GALNT13: variants seen among roughly 807,000 people sequenced by gnomAD.
GALNT13 encodes the protein polypeptide N-acetylgalactosaminyltransferase 13, also known as UDP-GalNAc:polypeptide N-acetylgalactosaminyltransferase 13.
In GALNT13, 28 loss-of-function variants were observed where a neutral mutation model predicts 64.2. The ratio of observed to expected loss-of-function variants is 0.44; its 90% CI spans 0.32 to 0.60. The LOEUF (loss-of-function observed/expected upper bound fraction) is 0.60, where lower values mean the gene tolerates loss of function less well. Ranked by LOEUF, GALNT13 falls within the 20% of genes least tolerant of loss-of-function variation. The pLI is 0.05. For synonymous variants in GALNT13, 214 were observed against 224.6 expected (o/e 0.95, Z 0.42); for missense variants, 577 against 669.8 (o/e 0.86, Z 1.53).
At chr2:153,436,406 C>A in the GALNT13 span, among the ~76,000 whole-genome samples, 1 of 152,150 alleles carries the variant, frequency 6.6e-6, no homozygotes, top group African/African-American at 2.4e-5. Context: ...AGGAATGGTA[C>A]CAGTTCCTCC....
the GALNT13 span, among the ~76,000 whole-genome samples, chr2:153,166,925 TC>T: frequency 6.6e-6 from 1 of 152,196 alleles, no homozygotes; most frequent in African/African-American, 2.4e-5. Flanking sequence ...GGAACTGAAT[TC>T]TACCAACAAC....
chr2:153,656,317 A>AGT, the GALNT13 span, among the ~76,000 whole-genome samples: 10,902 of 149,362 alleles, frequency 0.073, 453 homozygotes, highest in African/African-American at 0.13. Context: ...GACTTAAAGA[A>AGT]GTGTGTGTGT....
intron 12 of GALNT13, among the ~76,000 whole-genome samples, chr2:154,440,896 T>A (rs931020739): frequency 2.0e-5 from 3 of 152,156 alleles, no homozygotes; most frequent in African/African-American, 4.8e-5. Flanking sequence ...GGATTTTTTT[T>A]AAACAAAATT....
chr2:153,932,610 C>CT (rs1481004989), intron 2 of GALNT13, among the ~76,000 whole-genome samples: 4 of 141,584 alleles, frequency 2.8e-5, no homozygotes, highest in Non-Finnish European at 6.1e-5. Context: ...TCTTTTTTTT[C>CT]TTTTTTTCTG....
chr2:153,090,511 C>G, the GALNT13 span, among the ~76,000 whole-genome samples: 1 of 152,348 alleles, frequency 6.6e-6, no homozygotes, highest in Non-Finnish European at 1.5e-5. Context: ...TAGGTGTTGT[C>G]TTCTCCTTCC....
chr2:154,195,189 G>A (rs1222923899), intron 4 of GALNT13, among the ~76,000 whole-genome samples: 3 of 152,008 alleles, frequency 2.0e-5, no homozygotes, highest in Admixed American at 6.6e-5. Flanking sequence ...TCTTAAAGAT[G>A]ACTATTTTGG....
At chr2:153,180,546 T>G in the GALNT13 span, among the ~76,000 whole-genome samples, 1 of 152,184 alleles carries the variant, frequency 6.6e-6, no homozygotes, top group South Asian at 2.1e-4. Context: ...TTATAGAATG[T>G]TTTAGGAAGA....
At chr2:153,706,561 T>C in the GALNT13 span, among the ~76,000 whole-genome samples, 1 of 152,220 alleles carries the variant, frequency 6.6e-6, no homozygotes, top group Admixed American at 6.5e-5. Context: ...TCATTTCCAG[T>C]AAAGTATACG....
intron 4 of GALNT13, among the ~76,000 whole-genome samples, chr2:154,184,767 C>T (rs895443080): frequency 6.6e-6 from 1 of 152,074 alleles, no homozygotes; most frequent in African/African-American, 2.4e-5. Flanking sequence ...TCACTTATTA[C>T]TGCAAGGACA....
chr2:154,378,667 C>G (rs553144115), intron 9 of GALNT13, among the ~76,000 whole-genome samples: 1 of 152,032 alleles, frequency 6.6e-6, no homozygotes, highest in Non-Finnish European at 1.5e-5. Flanking sequence ...CCTCCCCTCC[C>G]GATTCTCTGG....
chr2:154,064,637 T>C (rs956577658), intron 3 of GALNT13, among the ~76,000 whole-genome samples: 1 of 152,000 alleles, frequency 6.6e-6, no homozygotes, highest in East Asian at 1.9e-4. Context: ...GGCCAGAAGA[T>C]TACCCACTGC....
At chr2:154,287,503 C>A in intron 8 of GALNT13, 1 of 290,690 alleles carries the variant, frequency 3.4e-6, no homozygotes, top group Non-Finnish European at 6.8e-6. Context: ...CTTTTGCCCC[C>A]ACCCCAGATT....
chr2:153,200,285 G>A, the GALNT13 span, among the ~76,000 whole-genome samples: 1 of 152,236 alleles, frequency 6.6e-6, no homozygotes, highest in Non-Finnish European at 1.5e-5. Flanking sequence ...TCTTAAACAG[G>A]AAAGTAGTAG....
intron 4 of GALNT13, chr2:154,236,116 A>G: frequency 8.8e-7 from 1 of 1,138,296 alleles, no homozygotes; most frequent in South Asian, 1.9e-5. Flanking sequence ...AGTGGAGAAG[A>G]CTTTCTGACT....
the GALNT13 span, among the ~76,000 whole-genome samples, chr2:153,568,084 C>A: frequency 6.6e-6 from 1 of 152,168 alleles, no homozygotes; most frequent in African/African-American, 2.4e-5. Context: ...GAAAGAAATT[C>A]TCGAATAATA....
the GALNT13 span, among the ~76,000 whole-genome samples, chr2:153,562,060 C>CTGTGTGTGTGTGTGTGTGTGTGTGTG: frequency 8.4e-6 from 1 of 118,904 alleles, no homozygotes; most frequent in African/African-American, 3.8e-5. Flanking sequence ...CTCTCTCTCT[C>CTGTGTGTGTGTGTGTGTGTGTGTGTG]TGTGTGTGTG....
the GALNT13 span, among the ~76,000 whole-genome samples, chr2:153,091,670 T>C: frequency 1.4e-3 from 213 of 152,290 alleles, 4 homozygotes; most frequent in East Asian, 0.039. Flanking sequence ...AACAATCACC[T>C]CTGTATTATT....
chr2:154,450,483 A>G lies in GALNT13; in HGVS notation c.1603A>G (p.Thr535Ala). The change falls in exon 13 of 13, where the codon ACA becomes GCA. Residue 535 changes from threonine (T) to alanine (A), a missense_variant. Around this residue, in one of 3 missense-constraint regions of GALNT13, gnomAD observed 232 missense variants for 270.6 expected, o/e 0.86. Transcript: ENST00000392825. ...EPSEEDKMVPTMQDCSGSRSQ... is the reference protein window; with the variant it reads ...EPSEEDKMVPAMQDCSGSRSQ... ...TTCTGAAGAAGACAAAATGGTGCCT[A>G]CAATGCAGGACTGTAGTGGAAGCAG... The G allele has an allele frequency of 6.2e-7, 1 of 1,612,848 alleles. No homozygotes were observed.
At chr2:154,297,625 G>C (rs71417298) in intron 8 of GALNT13, among the ~76,000 whole-genome samples, 29,141 of 152,150 alleles carry the variant, frequency 0.19, 3,675 homozygotes, top group Admixed American at 0.32. Flanking sequence ...CTGTGAGAAA[G>C]AGATTTCTGT....
Sources: allele counts gnomAD v4.1 joint callset (sites outside exome capture counted in the v4.1 genomes callset), GRCh38; gene constraint gnomAD v4.1.1; regional missense constraint gnomAD v4.1.1; transcripts MANE v1.5; gene names NCBI Gene and HGNC (gene_info 2026-07-23, HGNC 2026-07-21).